NME7: variants seen among roughly 807,000 people sequenced by gnomAD.
The protein encoded by NME7 is NME/NM23 family member 7.
In NME7, 41 loss-of-function variants were observed where a neutral mutation model predicts 49.1. The observed-to-expected ratio is 0.83, with a 90% CI of 0.65 to 1.08. NME7 has a LOEUF of 1.08. Among genes scored for constraint, NME7 ranks in the 50% least tolerant of loss-of-function variants. NME7 has a pLI of 0.00. For missense variants in NME7, 423 were observed against 463.4 expected, an observed-to-expected ratio of 0.91 and a Z score of 0.80; for synonymous variants, 139 against 150.6, an observed-to-expected ratio of 0.92 and a Z score of 0.56.
At chr1:169,232,982 G>C (rs907037958) in intron 9 of NME7, among the ~76,000 whole-genome samples, 1 of 128,706 alleles carries the variant, frequency 7.8e-6, no homozygotes, top group Non-Finnish European at 1.5e-5. Flanking sequence ...ACAGTGGCAC[G>C]ATCTTGGCTC....
chr1:169,178,584 T>C (rs1659831352), intron 10 of NME7, among the ~76,000 whole-genome samples: 2 of 152,132 alleles, frequency 1.3e-5, no homozygotes, highest in Admixed American at 1.3e-4. Flanking sequence ...AAATAGCTAC[T>C]TCCTTGAATC....
intron 6 of NME7, among the ~76,000 whole-genome samples, chr1:169,289,441 T>G (rs948225830): frequency 6.6e-6 from 1 of 152,156 alleles, no homozygotes; most frequent in Non-Finnish European, 1.5e-5. Context: ...ATATCCACAG[T>G]GTACAAATGA....
intron 1 of NME7, among the ~76,000 whole-genome samples, chr1:169,358,937 T>C (rs1213316709): frequency 6.6e-6 from 1 of 152,110 alleles, no homozygotes; most frequent in Non-Finnish European, 1.5e-5. Flanking sequence ...GAAATAATTA[T>C]GGATGTCTAT....
chr1:169,317,441 G>A (rs1459017399), intron 3 of NME7, among the ~76,000 whole-genome samples: 1 of 152,174 alleles, frequency 6.6e-6, no homozygotes, highest in Non-Finnish European at 1.5e-5. Context: ...CACTGTTGTT[G>A]GGTCTATCGT....
At position 169,234,666 on chromosome 1, in the gene NME7, C is replaced by T. The variant is rs938922665; in HGVS notation, c.888+465G>A. 3.3e-5 allele frequency among the ~76,000 whole-genome samples: 5 copies of T among 151,882 alleles called. No individual in the cohort carries two copies. In the East Asian group the frequency reaches 5.8e-4, roughly 18 times the overall value. On this transcript the variant is annotated intron_variant, in intron 9 of 11. Coordinates refer to ENST00000367811, the MANE Select transcript of NME7 (RefSeq NM_013330.5). ...GGTTTAAAGAAGGTAAATAAATTGT[C>T]GATGGTCATATAACTAGAAGATTTA...
intron 1 of NME7, among the ~76,000 whole-genome samples, chr1:169,355,130 TAG>T (rs1428704739): frequency 8.3e-4 from 35 of 42,318 alleles, no homozygotes; most frequent in African/African-American, 2.9e-3. Context: ...CTATATATTA[TAG>T]ATATAATATA....
At chr1:169,161,835 A>G (rs1375785557) in intron 11 of NME7, among the ~76,000 whole-genome samples, 2 of 152,158 alleles carry the variant, frequency 1.3e-5, no homozygotes, top group African/African-American at 2.4e-5. Flanking sequence ...TAAAATGTAG[A>G]CCTAGGTTCT....
chr1:169,162,753 T>G (rs920843305), intron 11 of NME7, among the ~76,000 whole-genome samples: 4 of 152,124 alleles, frequency 2.6e-5, no homozygotes, highest in African/African-American at 9.7e-5. Context: ...GCAGGAGGAT[T>G]GCTTGAGCCC....
At chr1:169,342,839 T>C (rs1318890726) in intron 1 of NME7, among the ~76,000 whole-genome samples, 2 of 47,966 alleles carry the variant, frequency 4.2e-5, no homozygotes, top group Middle Eastern at 8.8e-3. Flanking sequence ...TACAAGTACA[T>C]ATATATATAG....
At chr1:169,225,339 C>T (rs534825404) in intron 10 of NME7, among the ~76,000 whole-genome samples, 1 of 152,266 alleles carries the variant, frequency 6.6e-6, no homozygotes, top group African/African-American at 2.4e-5. Context: ...GAACTCCTGA[C>T]CTCAAGTGAT....
At chr1:169,177,898 G>A (rs1457825381) in intron 10 of NME7, among the ~76,000 whole-genome samples, 1 of 151,958 alleles carries the variant, frequency 6.6e-6, no homozygotes, top group African/African-American at 2.4e-5. Flanking sequence ...GTGCAGTGGC[G>A]TGATCGCGGC....
chr1:169,251,277 G>C (rs1648563534), intron 7 of NME7, among the ~76,000 whole-genome samples: 1 of 151,892 alleles, frequency 6.6e-6, no homozygotes, highest in Admixed American at 6.6e-5. Context: ...TGTTTTATCT[G>C]ATATAAGACT....
rs144536973 is a variant in NME7 at position 169,298,750 on chromosome 1, A to C, written c.454T>G (p.Phe152Val). The change falls in exon 6 of 12, where the codon TTT becomes GTT. Residue 152 changes from phenylalanine to valine, a missense_variant. Coordinates refer to ENST00000367811, the MANE Select transcript of NME7 (RefSeq NM_013330.5). ...GCAATAATAGGACCAGTTGTAATAAACTGGATCAGCTCACTACAAAACAGA... is the reference window on the plus strand; with the variant it reads ...GCAATAATAGGACCAGTTGTAATAACCTGGATCAGCTCACTACAAAACAGA... ...SRPFFNELIQ[F>V]ITTGPIIAME... 4.3e-6 allele frequency: 7 copies of C among 1,613,462 alleles called. No homozygotes were observed. Among genetic ancestry groups the C allele is most frequent in the Non-Finnish European group, 1.7e-6 (2 of 1,179,722 alleles).
intron 1 of NME7, among the ~76,000 whole-genome samples, chr1:169,358,072 G>A (rs2101986254): frequency 6.6e-6 from 1 of 152,110 alleles, no homozygotes; most frequent in South Asian, 2.1e-4. Flanking sequence ...AATTTAGGAA[G>A]AGGGAATTTA....
chr1:169,281,312 G>C (rs1650003660), intron 7 of NME7, among the ~76,000 whole-genome samples: 3 of 152,220 alleles, frequency 2.0e-5, no homozygotes, highest in South Asian at 4.1e-4. Flanking sequence ...TGTATCCTGA[G>C]ACTTTGCTGA....
At chr1:169,256,058 C>T (rs1412570714) in intron 7 of NME7, among the ~76,000 whole-genome samples, 2 of 131,814 alleles carry the variant, frequency 1.5e-5, no homozygotes, top group Admixed American at 7.5e-5. Flanking sequence ...TTGCTCTTCT[C>T]GAGGAGTATC....
chr1:169,300,908 A>G (rs1445040468), intron 5 of NME7, among the ~76,000 whole-genome samples: 3 of 152,108 alleles, frequency 2.0e-5, no homozygotes. Context: ...CTGGCCCCTT[A>G]ACATTAACCA....
chr1:169,350,990 T>C (rs1034558418), intron 1 of NME7, among the ~76,000 whole-genome samples: 5 of 152,034 alleles, frequency 3.3e-5, no homozygotes, highest in Non-Finnish European at 5.9e-5. Context: ...CTTTCTTTTT[T>C]TTCTTTTTTC....
intron 10 of NME7, among the ~76,000 whole-genome samples, chr1:169,205,250 A>C (rs957629472): frequency 1.3e-5 from 2 of 152,104 alleles, no homozygotes; most frequent in South Asian, 2.1e-4. Context: ...CCATGATCTT[A>C]TGTAATTTGA....
Sources: gnomAD v4.1 joint callset for allele counts (sites outside exome capture counted in the v4.1 genomes callset) on GRCh38, gnomAD v4.1.1 for gene constraint, MANE v1.5 for transcripts, NCBI Gene and HGNC (gene_info 2026-07-23, HGNC 2026-07-21) for gene names.